The following PLXDC1 variants were observed in gnomAD, a reference collection of about 807,000 sequenced individuals.
PLXDC1 encodes the protein plexin domain-containing protein 1.
In PLXDC1, 39 loss-of-function variants were observed where a neutral mutation model predicts 61.3. The observed-to-expected ratio is 0.64, with a 90% confidence interval of 0.49 to 0.83. The LOEUF (loss-of-function observed/expected upper bound fraction) is 0.83. Among genes scored for constraint, PLXDC1 ranks in the 40% least tolerant of loss-of-function variants. The pLI is 0.00. For missense variants in PLXDC1, 596 were observed against 666.5 expected, an observed-to-expected ratio of 0.89 and a Z score of 1.17; for synonymous variants, 212 against 254.5, an observed-to-expected ratio of 0.83 and a Z score of 1.59.
chr17:39,078,805 T>A (rs557566223), intron 10 of PLXDC1, among the ~76,000 whole-genome samples: 1 of 152,322 alleles, frequency 6.6e-6, no homozygotes, highest in African/African-American at 2.4e-5. Context: ...GAGCCAGCAG[T>A]GGCTGAGGCC....
intron 7 of PLXDC1, among the ~76,000 whole-genome samples, chr17:39,104,781 T>TA (rs11449163): frequency 0.17 from 24,966 of 147,330 alleles, 2,268 homozygotes; most frequent in Middle Eastern, 0.29. Flanking sequence ...AGACTTTGTT[T>TA]AAAAAAAAAA....
chr17:39,118,486 G>T (rs538566470), intron 2 of PLXDC1, among the ~76,000 whole-genome samples: 1 of 152,260 alleles, frequency 6.6e-6, no homozygotes, highest in South Asian at 2.1e-4. Flanking sequence ...TTACAAGCAT[G>T]AGCCACCATG....
At chr17:39,096,496 C>A (rs1910207228) in intron 7 of PLXDC1, among the ~76,000 whole-genome samples, 1 of 152,202 alleles carries the variant, frequency 6.6e-6, no homozygotes, top group Non-Finnish European at 1.5e-5. Flanking sequence ...CCCCTAGATC[C>A]CTTCTGTAGC....
At chr17:39,076,615 A>G (rs1909347249) in intron 11 of PLXDC1, among the ~76,000 whole-genome samples, 1 of 151,618 alleles carries the variant, frequency 6.6e-6, no homozygotes, top group African/African-American at 2.4e-5. Flanking sequence ...CCTTCTTGCC[A>G]TTATTCCTTT....
At chr17:39,087,059 C>T (rs970255573) in intron 8 of PLXDC1, among the ~76,000 whole-genome samples, 8 of 152,106 alleles carry the variant, frequency 5.3e-5, no homozygotes, top group African/African-American at 1.7e-4. Context: ...GAGCATCCAC[C>T]GCGGATCCTG....
chr17:39,138,390 A>G (rs1911822440), intron 2 of PLXDC1, among the ~76,000 whole-genome samples: 1 of 152,250 alleles, frequency 6.6e-6, no homozygotes, highest in South Asian at 2.1e-4. Flanking sequence ...CCCTGCCTGG[A>G]TTAGAAGTGA....
chr17:39,096,051 T>A (rs1910185595), intron 7 of PLXDC1, among the ~76,000 whole-genome samples: 2 of 152,216 alleles, frequency 1.3e-5, no homozygotes, highest in Non-Finnish European at 2.9e-5. Context: ...AGTGCTGGCT[T>A]GGCCAGAAGA....
intron 2 of PLXDC1, chr17:39,112,073 A>C (rs1910823340): frequency 6.6e-6 from 1 of 152,160 alleles, no homozygotes; most frequent in Non-Finnish European, 1.5e-5. Context: ...CCCTATCTCA[A>C]TTTTTAAAAA....
At chr17:39,068,011 G>C (rs1908961590) in intron 13 of PLXDC1, 52 bp from the exon 14 acceptor site, 16 of 1,592,228 alleles carry the variant, frequency 1.0e-5, no homozygotes, top group Non-Finnish European at 1.4e-5. Context: ...CCCCCATGGG[G>C]ACCCCACACT....
chr17:39,122,303 G>A lies in PLXDC1; in HGVS notation c.256-12912C>T, dbSNP rs112023943. Among the ~76,000 whole-genome samples the A allele has an allele frequency of 7.7e-3, 1,137 of 148,220 alleles. 3 individuals carry two copies. Among genetic ancestry groups the A allele is most frequent in the Non-Finnish European group, 0.012 (787 of 67,444 alleles). On this transcript the variant is annotated intron_variant, in intron 2 of 13. Transcript: ENST00000315392. Reference sequence around the variant, plus strand: ...ACCTGTAATCCCAGCTACTCAGGAGGCTGAGGCAGGAGAATCACTTCAGCC... The same window carrying A: ...ACCTGTAATCCCAGCTACTCAGGAGACTGAGGCAGGAGAATCACTTCAGCC...
At chr17:39,135,458 C>T (rs1911714703) in intron 2 of PLXDC1, among the ~76,000 whole-genome samples, 1 of 152,148 alleles carries the variant, frequency 6.6e-6, no homozygotes, top group Admixed American at 6.5e-5. Context: ...GGGTAGATCA[C>T]CTGAGGTCAG....
intron 13 of PLXDC1, among the ~76,000 whole-genome samples, chr17:39,069,432 G>A (rs144173117): frequency 6.6e-6 from 1 of 152,272 alleles, no homozygotes; most frequent in African/African-American, 2.4e-5. Flanking sequence ...GCAGGTATCA[G>A]TAGGCAAAAG....
At chr17:39,120,406 G>A (rs1487018621) in intron 2 of PLXDC1, among the ~76,000 whole-genome samples, 1 of 151,824 alleles carries the variant, frequency 6.6e-6, no homozygotes, top group Non-Finnish European at 1.5e-5. Flanking sequence ...GAGCCACTGC[G>A]CCTGGCCTGA....
At chr17:39,104,266 G>A (rs1910521838) in intron 7 of PLXDC1, among the ~76,000 whole-genome samples, 1 of 152,242 alleles carries the variant, frequency 6.6e-6, no homozygotes, top group South Asian at 2.1e-4. Context: ...AGAAATAAAC[G>A]CAGAGAGGTT....
chr17:39,108,216 G>T lies in PLXDC1; in HGVS notation c.499C>A (p.Arg167=). 1 of 1,614,098 alleles carries T rather than the reference G, an allele frequency of 6.2e-7. No individual in the cohort carries two copies. The highest frequency in any genetic ancestry group is 8.5e-7 in the Non-Finnish European group (1 of 1,179,974). ...GFIFMGDVIH[R]MLTATQYVAP... The stretch of plus-strand genomic sequence containing the variant: ...ACATACTGAGTAGCTGTGAGCATCC[G>T]ATGGATCACGTCCCCCATGAAGATG... Residue 167 remains arginine (R), a synonymous_variant, in exon 5 of 14, where the codon CGG becomes AGG. Coordinates refer to ENST00000315392, the MANE Select transcript of PLXDC1 (RefSeq NM_020405.5).
chr17:39,094,261 C>T (rs965210632), intron 7 of PLXDC1, among the ~76,000 whole-genome samples: 7 of 152,136 alleles, frequency 4.6e-5, no homozygotes, highest in Non-Finnish European at 7.4e-5. Flanking sequence ...CATCCCCACT[C>T]ATTACTCCCA....
chr17:39,128,125 A>ATGTGTATATGTATATATATG, intron 2 of PLXDC1, among the ~76,000 whole-genome samples: 1 of 36,758 alleles, frequency 2.7e-5, no homozygotes, highest in Admixed American at 2.2e-4. Context: ...GTATATATAT[A>ATGTGTATATGTATATATATG]TGTGTATATA....
At chr17:39,108,797 C>T (rs1910688112) in intron 4 of PLXDC1, 107 bp downstream of exon 4, 3 of 734,104 alleles carry the variant, frequency 4.1e-6, no homozygotes, top group Non-Finnish European at 7.3e-6. Context: ...AATGTGCCTT[C>T]CTCCCATTTC....
intron 11 of PLXDC1, among the ~76,000 whole-genome samples, chr17:39,075,946 TG>T (rs1909311629): frequency 6.6e-6 from 1 of 151,584 alleles, no homozygotes; most frequent in African/African-American, 2.4e-5. Flanking sequence ...GGTGTGGTGG[TG>T]TGCACCTGTA....
Sources: allele counts gnomAD v4.1 joint callset (sites outside exome capture counted in the v4.1 genomes callset), GRCh38; gene constraint gnomAD v4.1.1; transcripts MANE v1.5; gene names NCBI Gene and HGNC (gene_info 2026-07-23, HGNC 2026-07-21).